LY75: variants seen among roughly 807,000 people sequenced by gnomAD.
LY75 encodes C-type lectin domain family 13 member B.
In LY75, 185 loss-of-function variants were observed where a neutral mutation model predicts 231.7. That is an observed-to-expected ratio of 0.80 (90% CI 0.71 to 0.90). The LOEUF is 0.90. Among genes scored for constraint, LY75 ranks in the 40% least tolerant of loss-of-function variants. The pLI, the probability that LY75 is intolerant of heterozygous loss-of-function variation, is 0.00. For missense variants in LY75, 1,947 were observed against 2,050.2 expected (o/e 0.95, Z 0.97); for synonymous variants, 668 against 689.0 (o/e 0.97, Z 0.48).
intron 4 of LY75, among the ~76,000 whole-genome samples, chr2:159,889,808 T>C (rs1685697587): frequency 6.6e-6 from 1 of 152,220 alleles, no homozygotes; most frequent in African/African-American, 2.4e-5. Context: ...CTGAGGACTG[T>C]ACCCTTTCAC....
At position 159,882,206 on chromosome 2, in the gene LY75, T is replaced by A; in HGVS notation, c.1164A>T (p.Lys388Asn). ...TTAGGTCACTACTGAAGGCTTTGCA[T>A]TTCGCATGTGCCTTATCCCAGGAAT... ...ESNSWDKAHA[K>N]CKAFSSDLIS... Residue 388 changes from lysine to asparagine, a missense_variant, in exon 7 of 35, where the codon AAA becomes AAT. By Grantham distance (94) the Lys-to-Asn change is moderately conservative. Coordinates refer to ENST00000263636, the MANE Select transcript of LY75 (RefSeq NM_002349.4). 1 of 1,614,054 alleles carries A rather than the reference T, an allele frequency of 6.2e-7. No individual in the cohort carries two copies. The highest frequency in any genetic ancestry group is 8.5e-7 in the Non-Finnish European group (1 of 1,179,934).
chr2:159,835,612 G>T lies in LY75; in HGVS notation c.3541C>A (p.Arg1181Ser), dbSNP rs1683795923. Residue 1181 changes from arginine (R) to serine (S), a missense_variant, in exon 26 of 35, where the codon CGT becomes AGT. Transcript: ENST00000263636. ...ELNFGWSDGK[R>S]LHFSRWAETN... ...TCAGCCCAGCGACTAAAATGAAGACGTTTCCCATCTGACCAACCAAAGTTG... is the reference window on the plus strand; with the variant it reads ...TCAGCCCAGCGACTAAAATGAAGACTTTTCCCATCTGACCAACCAAAGTTG... 3.1e-6 allele frequency: 5 copies of T among 1,613,556 alleles called. No individual in the cohort carries two copies. In the African/African-American group the frequency reaches 5.3e-5, roughly 17 times the overall value.
At chr2:159,857,308 G>A (rs1684576312) in intron 16 of LY75, among the ~76,000 whole-genome samples, 1 of 152,156 alleles carries the variant, frequency 6.6e-6, no homozygotes, top group South Asian at 2.1e-4. Context: ...GTTCCATGAT[G>A]TGAACTTTGG....
intron 30 of LY75, 96 bp from the exon 31 acceptor site, chr2:159,815,669 GA>G: frequency 7.2e-7 from 1 of 1,379,682 alleles, no homozygotes; most frequent in Non-Finnish European, 9.8e-7. Flanking sequence ...TATTATAATG[GA>G]ATATTAATTA....
chr2:159,852,689 G>A (rs1305314135), intron 20 of LY75, among the ~76,000 whole-genome samples: 1 of 152,140 alleles, frequency 6.6e-6, no homozygotes, highest in Non-Finnish European at 1.5e-5. Flanking sequence ...AAAGTGCTGG[G>A]ATTACAGGCA....
chr2:159,842,377 A>G lies in LY75; in HGVS notation c.3151-3T>C, dbSNP rs1480657710. The G allele has an allele frequency of 6.2e-6, 10 of 1,606,846 alleles. No homozygotes were observed. Among genetic ancestry groups the G allele is most frequent in the Non-Finnish European group, 8.5e-6 (10 of 1,176,078 alleles). The stretch of plus-strand genomic sequence containing the variant: ...TAGCGAGACTCTTCCTCAAAAAACT[A>G]AACAAAAAGGCAAATACATACATGC... On this transcript the variant is annotated splice_polypyrimidine_tract_variant and splice_region_variant and intron_variant, in intron 23 of 34. Transcript: ENST00000263636.
rs2125830710 is a variant in LY75, at chr2:159,815,402, T to C, written c.4549+3A>G. The C allele has an allele frequency of 6.3e-7, 1 of 1,587,736 alleles. No individual in the cohort carries two copies. The highest frequency in any genetic ancestry group is 1.1e-5 in the South Asian group (1 of 87,098). On this transcript the variant is annotated splice_donor_region_variant and intron_variant, in intron 31 of 34. Transcript: ENST00000263636. ...TGTACTGTTACTGAAATTGAAGTCTTACATTTTGTAGGTTTATAACAAATA... is the reference window on the plus strand; with the variant it reads ...TGTACTGTTACTGAAATTGAAGTCTCACATTTTGTAGGTTTATAACAAATA...
chr2:159,836,428 A>G (rs1560073566), intron 25 of LY75, among the ~76,000 whole-genome samples: 3 of 152,026 alleles, frequency 2.0e-5, no homozygotes, highest in East Asian at 3.9e-4. Flanking sequence ...CTGCCTTTAC[A>G]CCCTGCCAAG....
chr2:159,892,008 G>A (rs1238917567), intron 3 of LY75, among the ~76,000 whole-genome samples: 2 of 152,198 alleles, frequency 1.3e-5, no homozygotes, highest in African/African-American at 2.4e-5. Context: ...TAGGTTACAG[G>A]TGTTGAGAAG....
chr2:159,816,973 T>A lies in LY75; in HGVS notation c.4213A>T (p.Ile1405Phe). ...LPQFMPYEDGIYSVIQKKVTW... is the reference protein window; with the variant it reads ...LPQFMPYEDGFYSVIQKKVTW... ...ACCTTTTTTTGAATAACACTGTAAA[T>A]ACCATCTTCATATGGCATAAACTGT... The change falls in exon 30 of 35, where the codon ATT becomes TTT. Residue 1405 changes from isoleucine to phenylalanine, a missense_variant. Physicochemically the swap from Ile to Phe is conservative, Grantham distance 21 (BLOSUM62 0). Transcript: ENST00000263636. 1 of 1,614,166 alleles carries A rather than the reference T, an allele frequency of 6.2e-7. No individual in the cohort carries two copies. The highest frequency in any genetic ancestry group is 8.5e-7 in the Non-Finnish European group (1 of 1,180,002).
At chr2:159,863,975 A>G (rs887785666) in intron 14 of LY75, among the ~76,000 whole-genome samples, 10 of 152,212 alleles carry the variant, frequency 6.6e-5, no homozygotes, top group Admixed American at 2.0e-4. Flanking sequence ...GCCTAGGAGC[A>G]ATATAAAGCC....
At chr2:159,837,875 C>T (rs1365284740) in intron 25 of LY75, among the ~76,000 whole-genome samples, 1 of 152,144 alleles carries the variant, frequency 6.6e-6, no homozygotes, top group Non-Finnish European at 1.5e-5. Context: ...CTAAGATGTC[C>T]CAATTCTTGC....
chr2:159,852,477 G>T, intron 20 of LY75, 137 bp from the exon 21 acceptor site: 2 of 1,229,922 alleles, frequency 1.6e-6, no homozygotes, highest in South Asian at 1.6e-5. Flanking sequence ...GGAGTGCAGT[G>T]GTGCAATGTT....
chr2:159,808,652 A>G (rs1399807913), intron 32 of LY75, 81 bp from the exon 33 acceptor site: 1 of 1,542,598 alleles, frequency 6.5e-7, no homozygotes, highest in Non-Finnish European at 8.7e-7. Context: ...TTTGAAAAAT[A>G]CATATATTAT....
intron 25 of LY75, among the ~76,000 whole-genome samples, chr2:159,837,091 CA>C (rs1683853177): frequency 6.6e-6 from 1 of 151,916 alleles, no homozygotes; most frequent in Non-Finnish European, 1.5e-5. Context: ...GGAGATTTCC[CA>C]AAAAACAAAA....
rs750232224 is a variant in LY75, at chr2:159,858,352, T to A, written c.2383+10A>T. On this transcript the variant is annotated intron_variant, in intron 16 of 34. Coordinates refer to ENST00000263636, the MANE Select transcript of LY75 (RefSeq NM_002349.4). ...TGAGAAGGTTGTGAAAAGGAATAAC[T>A]ACCACTTACCTTTTGGAATTTGGCA... 1.9e-6 allele frequency: 3 copies of A among 1,612,000 alleles called. No homozygotes were observed. Among genetic ancestry groups the A allele is most frequent in the South Asian group, 2.2e-5 (2 of 90,708 alleles).
At chr2:159,842,171 G>T in intron 24 of LY75, 74 bp downstream of exon 24, 1 of 1,489,242 alleles carries the variant, frequency 6.7e-7, no homozygotes, top group Non-Finnish European at 9.0e-7. Context: ...CCTATAGAAA[G>T]TGACTCTCTC....
intron 16 of LY75, among the ~76,000 whole-genome samples, chr2:159,857,598 T>C (rs1253285510): frequency 6.6e-6 from 1 of 152,016 alleles, no homozygotes; most frequent in African/African-American, 2.4e-5. Context: ...AAAAATTGGC[T>C]AGGTGCGGTA....
chr2:159,883,118 A>C (rs1196666201), intron 6 of LY75, among the ~76,000 whole-genome samples: 1 of 107,022 alleles, frequency 9.3e-6, no homozygotes, highest in Non-Finnish European at 1.8e-5. Context: ...ATCTCTGGGG[A>C]CTGTTGTGGG....
Sources: gnomAD v4.1 joint callset for allele counts (sites outside exome capture counted in the v4.1 genomes callset) on GRCh38, gnomAD v4.1.1 for gene constraint, MANE v1.5 for transcripts, NCBI Gene and HGNC (gene_info 2026-07-23, HGNC 2026-07-21) for gene names.